Variants in ZNF790 observed in about 807,000 individuals in gnomAD.
The protein encoded by ZNF790 is zinc finger protein 790.
ZNF790 carries 8 observed loss-of-function variants against 12.1 expected under a neutral mutation model. The observed-to-expected ratio is 0.66, with a 90% CI of 0.39 to 1.19. The LOEUF (loss-of-function observed/expected upper bound fraction) is 1.19. Among genes scored for constraint, ZNF790 ranks in the 50% most tolerant of loss-of-function variants. The pLI, the probability that ZNF790 is intolerant of heterozygous loss-of-function variation, is 0.01. For missense variants in ZNF790, 707 were observed against 752.2 expected (o/e 0.94, Z 0.70); for synonymous variants, 252 against 244.3 (o/e 1.03, Z -0.29).
intron 4 of ZNF790, among the ~76,000 whole-genome samples, chr19:36,820,566 A>C (rs182958349): frequency 6.6e-6 from 1 of 152,212 alleles, no homozygotes; most frequent in Non-Finnish European, 1.5e-5. Flanking sequence ...GGTATGCTGC[A>C]TTTAGGTTAA....
In ZNF790 at chr19:36,838,144, AC is replaced by A. The variant is rs2072088963; in HGVS notation, c.-74+192del. ...CACACACACATACACACACACACACACAAGCTCCCGTCGCGGCCCCAGCTCC... is the reference window on the plus strand; with the variant it reads ...CACACACACATACACACACACACACAAAGCTCCCGTCGCGGCCCCAGCTCC... On this transcript the variant is annotated intron_variant, in intron 1 of 4. Transcript: ENST00000356725. This position sits in a 1 kb window ranked among gnomAD's most constrained non-coding sequence, Gnocchi z 4.4. The A allele has an allele frequency of 6.6e-6, 1 of 151,106 alleles. No individual in the cohort carries two copies. Among genetic ancestry groups the A allele is most frequent in the African/African-American group, 2.4e-5 (1 of 40,896 alleles). The allele number at this position is 151,106 out of a possible 1,614,324, so 9.4% of individuals were successfully genotyped here. A position where few individuals can be genotyped will look rare whatever the true frequency, so the allele number is the denominator to read the frequency against.
chr19:36,849,215 C>G (rs1488549270), intron 1 of ZNF790, among the ~76,000 whole-genome samples: 1 of 152,152 alleles, frequency 6.6e-6, no homozygotes, highest in African/African-American at 2.4e-5. Flanking sequence ...GCATGAACCA[C>G]CATGCCCGGC....
chr19:36,843,510 C>T lies in ZNF790; in HGVS notation c.-74+6492G>A, dbSNP rs936352978. On this transcript the variant is annotated intron_variant, in intron 1 of 4. Transcript: ENST00000528994. ...CAGAAGCACAATGAACCTCCACAAC[C>T]GTAATGGAGCCCTGACTCAACTCAA... Among the ~76,000 whole-genome samples, 92 of 152,094 alleles carry T rather than the reference C, an allele frequency of 6.0e-4. 1 individual carries two copies. Among genetic ancestry groups the T allele is most frequent in the Non-Finnish European group, 1.8e-4 (12 of 68,030 alleles).
chr19:36,846,359 G>A (rs751745004), intron 1 of ZNF790, among the ~76,000 whole-genome samples: 1 of 152,104 alleles, frequency 6.6e-6, no homozygotes, highest in East Asian at 1.9e-4. Flanking sequence ...GAGGTCAGGA[G>A]ATCGAGACCA....
rs75092639 is a variant in ZNF790, at chr19:36,844,205, TG to T, written c.-74+5796del. 5.3e-3 allele frequency among the ~76,000 whole-genome samples: 794 copies of T among 150,704 alleles called. 21 individuals carry two copies. Among genetic ancestry groups the T allele is most frequent in the Admixed American group, 0.039 (582 of 15,096 alleles). ...ACATACCTGTGGTCCCAGCTACTTG[TG>T]AAGCTGAGGTGGGAGGATCGTTTGA... is the stretch of plus-strand genomic sequence containing the variant. On this transcript the variant is annotated intron_variant, in intron 1 of 4. Coordinates refer to the ZNF790 transcript ENST00000528994.
At chr19:36,825,727 C>T in intron 1 of ZNF790, 35 bp from the exon 2 acceptor site, 1 of 1,250,358 alleles carries the variant, frequency 8.0e-7, no homozygotes, top group Non-Finnish European at 1.2e-6. Flanking sequence ...AGGCCTTTCT[C>T]AGAGCTCTCA....
intron 1 of ZNF790, among the ~76,000 whole-genome samples, chr19:36,844,226 G>A (rs866793292): frequency 2.6e-5 from 4 of 151,264 alleles, no homozygotes; most frequent in Non-Finnish European, 4.4e-5. Flanking sequence ...TGGGAGGATC[G>A]TTTGAGCCCA....
intron 1 of ZNF790, among the ~76,000 whole-genome samples, chr19:36,827,141 C>CACACACATATATAT (rs1313807327): frequency 2.8e-4 from 24 of 84,446 alleles, no homozygotes; most frequent in African/African-American, 1.3e-3. Context: ...CACACACACA[C>CACACACATATATAT]ATATATATAT....
chr19:36,818,526 T>C lies in ZNF790; in HGVS notation c.1818A>G (p.Gln606=). Residue 606 remains glutamine, a synonymous_variant, in exon 5 of 5, where the codon CAA becomes CAG. Coordinates refer to ENST00000356725, the MANE Select transcript of ZNF790 (RefSeq NM_206894.4). The part of the protein sequence containing the change: ...NTFSHESNFA[Q]HQNIYTFEKS... ...TCTCAAAAGTGTAAATATTCTGGTG[T>C]TGAGCAAAGTTTGACTCATGACTAA... 6.2e-7 allele frequency: 1 copy of C among 1,603,114 alleles called. No individual in the cohort carries two copies. The highest frequency in any genetic ancestry group is 8.5e-7 in the Non-Finnish European group (1 of 1,171,112).
At chr19:36,835,284 AAAAAT>A (rs142838199) in intron 1 of ZNF790, among the ~76,000 whole-genome samples, 6,893 of 152,162 alleles carry the variant, frequency 0.045, 502 homozygotes, top group African/African-American at 0.16. Context: ...CCGTCTCAAA[AAAAAT>A]AAAATAAAAT....
intron 2 of ZNF790, 108 bp downstream of exon 2, chr19:36,825,503 G>C (rs534580588): frequency 8.7e-7 from 1 of 1,154,328 alleles, no homozygotes; most frequent in African/African-American, 1.5e-5. Context: ...CATTACTTAT[G>C]ACACTCAATA....
chr19:36,820,145 G>T (rs376128402), intron 4 of ZNF790, 31 bp from the exon 5 acceptor site: 1 of 1,567,408 alleles, frequency 6.4e-7, no homozygotes, highest in East Asian at 2.2e-5. Flanking sequence ...AACATCATAC[G>T]GTTGTATGTA....
At chr19:36,830,332 G>A (rs1466450859) in intron 1 of ZNF790, among the ~76,000 whole-genome samples, 1 of 152,128 alleles carries the variant, frequency 6.6e-6, no homozygotes, top group African/African-American at 2.4e-5. Context: ...TTGATATGAT[G>A]TATCACATTA....
chr19:36,820,103 T>G lies in ZNF790; in HGVS notation c.241A>C (p.Arg81=). The G allele has an allele frequency of 6.2e-7, 1 of 1,601,122 alleles. No homozygotes were observed. The highest frequency in any genetic ancestry group is 1.3e-5 in the African/African-American group (1 of 74,866). Residue 81 remains arginine, a synonymous_variant, in exon 5 of 5, where the codon AGG becomes CGG. Coordinates refer to ENST00000356725, the MANE Select transcript of ZNF790 (RefSeq NM_206894.4). ...GGTAATAACTTCTTGGTCTGACACC[T>G]CGACTGCATGTCTGAAAAATAAGAA... ...TRGPCPDMQS[R]CQTKKLLPKN... is the part of the protein sequence containing the mutation.
intron 1 of ZNF790, among the ~76,000 whole-genome samples, chr19:36,846,508 G>C (rs1002292805): frequency 1.3e-5 from 2 of 152,114 alleles, no homozygotes; most frequent in Non-Finnish European, 2.9e-5. Flanking sequence ...AGGTTGCAGT[G>C]AGCCGAGACA....
Position 36,818,994 on chromosome 19 carries a change from AT to A in ZNF790, c.1349del (p.Tyr450LeufsTer203). 6.2e-7 allele frequency: 1 copy of A among 1,614,002 alleles called. No individual in the cohort carries two copies. The highest frequency in any genetic ancestry group is 8.5e-7 in the Non-Finnish European group (1 of 1,179,994). On this transcript the variant is annotated frameshift_variant, in exon 5 of 5. Transcript: ENST00000356725. LOFTEE classifies it low-confidence loss of function (END_TRUNC). Reference protein sequence around the residue: ...HEKIHNERKSYECKECGKTFL... With the variant: ...HEKIHNERKSXECKECGKTFL... ...AGGTCTTTCCACATTCCTTACATTC[AT>A]AGGATTTCCTCTCATTGTGAATTTT...
chr19:36,831,160 CAAA>C (rs2146060776), intron 1 of ZNF790, among the ~76,000 whole-genome samples: 1 of 124,258 alleles, frequency 8.0e-6, no homozygotes, highest in African/African-American at 3.1e-5. Flanking sequence ...ACAACAACAA[CAAA>C]AAACACACAA....
chr19:36,822,476 A>G (rs2071694624), intron 4 of ZNF790, among the ~76,000 whole-genome samples: 1 of 152,186 alleles, frequency 6.6e-6, no homozygotes, highest in Non-Finnish European at 1.5e-5. Flanking sequence ...TCTTTGAGAA[A>G]AGGTTTTGTC....
At chr19:36,846,639 T>G (rs1412333939) in intron 1 of ZNF790, among the ~76,000 whole-genome samples, 1 of 152,162 alleles carries the variant, frequency 6.6e-6, no homozygotes, top group Non-Finnish European at 1.5e-5. Context: ...AATAGGAACT[T>G]TCATACATTT....
Sources: gnomAD v4.1 joint callset for allele counts (sites outside exome capture counted in the v4.1 genomes callset) on GRCh38, gnomAD v4.1.1 for gene constraint, Gnocchi (gnomAD v3.1) non-coding constraint, MANE v1.5 for transcripts, NCBI Gene and HGNC (gene_info 2026-07-23, HGNC 2026-07-21) for gene names.